The following NAALADL2 variants were observed in gnomAD, a reference collection of about 807,000 sequenced individuals.
NAALADL2 encodes the protein inactive N-acetylated-alpha-linked acidic dipeptidase-like protein 2.
A neutral mutation model predicts 87.2 loss-of-function variants in NAALADL2; 76 were observed. The ratio of observed to expected loss-of-function variants is 0.87; its 90% CI spans 0.72 to 1.05. The LOEUF (loss-of-function observed/expected upper bound fraction) is 1.05. Among genes scored for constraint, NAALADL2 ranks in the 50% least tolerant of loss-of-function variants. NAALADL2 has a pLI of 0.00. For synonymous variants in NAALADL2, 354 were observed against 331.0 expected, an observed-to-expected ratio of 1.07 and a Z score of -0.75; for missense variants, 1,089 against 945.8, an observed-to-expected ratio of 1.15 and a Z score of -1.99.
intron 5 of NAALADL2, among the ~76,000 whole-genome samples, chr3:175,417,439 A>T (rs1478914647): frequency 6.6e-6 from 1 of 152,048 alleles, no homozygotes; most frequent in East Asian, 1.9e-4. Context: ...ACTGGAATAA[A>T]CGATGCCTTC....
At chr3:175,138,695 C>G (rs1729509820) in intron 2 of NAALADL2, among the ~76,000 whole-genome samples, 1 of 148,812 alleles carries the variant, frequency 6.7e-6, no homozygotes. Context: ...CTCCTAGGCT[C>G]AACTGATCCT....
chr3:175,136,597 T>C (rs935474337), intron 2 of NAALADL2, among the ~76,000 whole-genome samples: 8 of 149,606 alleles, frequency 5.3e-5, no homozygotes, highest in African/African-American at 7.4e-5. Context: ...CAAATTTTTA[T>C]AAGCATGCTT....
intron 2 of NAALADL2, among the ~76,000 whole-genome samples, chr3:175,174,738 CCA>C (rs1433017312): frequency 1.3e-5 from 2 of 151,250 alleles, no homozygotes; most frequent in African/African-American, 4.9e-5. Flanking sequence ...ATGATATAAC[CCA>C]AGAGTTTATA....
At position 175,337,267 on chromosome 3, in the gene NAALADL2, T is replaced by G. The variant is rs188646534; in HGVS notation, c.1090+12942T>G. Among the ~76,000 whole-genome samples the G allele has an allele frequency of 2.1e-3, 320 of 151,514 alleles. 2 individuals are homozygous for G. Among genetic ancestry groups the G allele is most frequent in the Non-Finnish European group, 3.6e-3 (243 of 67,490 alleles). On this transcript the variant is annotated intron_variant, in intron 5 of 13. Transcript: ENST00000454872. ...AGGTCTAGGTGGTATGGTGGTCCTATTTAGAGTCAGACTAAGATTTCTTGA... is the reference window on the plus strand; with the variant it reads ...AGGTCTAGGTGGTATGGTGGTCCTAGTTAGAGTCAGACTAAGATTTCTTGA...
At chr3:174,918,329 C>G (rs986572436) in intron 1 of NAALADL2, among the ~76,000 whole-genome samples, 27 of 151,876 alleles carry the variant, frequency 1.8e-4, no homozygotes, top group African/African-American at 6.0e-4. Flanking sequence ...GATATTAGCC[C>G]CTCTGCTTAC....
At chr3:174,961,239 C>T (rs912610145) in intron 1 of NAALADL2, among the ~76,000 whole-genome samples, 17 of 151,082 alleles carry the variant, frequency 1.1e-4, no homozygotes, top group Admixed American at 1.1e-3. Context: ...CCACCTTGAC[C>T]TTCCAAAGCG....
chr3:175,684,629 A>G (rs1041785224), intron 11 of NAALADL2, among the ~76,000 whole-genome samples: 1 of 152,052 alleles, frequency 6.6e-6, no homozygotes, highest in Non-Finnish European at 1.5e-5. Context: ...CCCCATCTCT[A>G]CTAAACAAAC....
chr3:174,610,666 A>G (rs1386689409), intron 2 of NAALADL2, among the ~76,000 whole-genome samples: 2 of 152,098 alleles, frequency 1.3e-5, no homozygotes, highest in Admixed American at 6.6e-5. Context: ...TCAGGAAACA[A>G]CAGGTGCTGG....
intron 9 of NAALADL2, among the ~76,000 whole-genome samples, chr3:175,533,841 T>A (rs1366988361): frequency 6.6e-6 from 1 of 152,152 alleles, no homozygotes; most frequent in Non-Finnish European, 1.5e-5. Context: ...GATCTGCTTC[T>A]GAAGCCAGGA....
At chr3:175,470,979 T>C (rs558428172) in intron 8 of NAALADL2, among the ~76,000 whole-genome samples, 1 of 152,314 alleles carries the variant, frequency 6.6e-6, no homozygotes, top group African/African-American at 2.4e-5. Flanking sequence ...ATCTCCCCTC[T>C]TATTCAGTAA....
Position 175,234,085 on chromosome 3 carries a change from A to G in NAALADL2, c.700A>G (p.Ser234Gly). ...PGPSPSTVTL[S>G]SSGQCFHPNG... is the part of the protein sequence containing the mutation. ...CCCTTCTCCCAGCACTGTGACTCTG[A>G]GCAGCAGTGGTCAATGCTTTCATCC... The change falls in exon 3 of 14, where the codon AGC (serine) becomes GGC (glycine). Residue 234 changes from serine (S) to glycine (G), a missense_variant. Ser to Gly is a moderately conservative substitution (Grantham distance 56). Coordinates refer to ENST00000454872, the MANE Select transcript of NAALADL2 (RefSeq NM_207015.3). 6.2e-7 allele frequency: 1 copy of G among 1,613,910 alleles called. No individual in the cohort carries two copies.
At chr3:174,539,434 A>G (rs1323282949) in intron 1 of NAALADL2, among the ~76,000 whole-genome samples, 1 of 152,112 alleles carries the variant, frequency 6.6e-6, no homozygotes, top group Non-Finnish European at 1.5e-5. Context: ...TTAATAGTAT[A>G]TATCATTTTA....
chr3:174,459,494 T>C (rs1716061276), intron 1 of NAALADL2: 2 of 152,214 alleles, frequency 1.3e-5, no homozygotes, highest in South Asian at 4.1e-4. Flanking sequence ...GAGGTTTGCA[T>C]GTGAACATGC....
intron 1 of NAALADL2, among the ~76,000 whole-genome samples, chr3:174,895,836 A>C (rs1731458095): frequency 6.6e-6 from 1 of 152,172 alleles, no homozygotes; most frequent in Non-Finnish European, 1.5e-5. Flanking sequence ...CATTAGAAAG[A>C]TCATTCATCA....
At chr3:175,151,613 T>C (rs950503142) in intron 2 of NAALADL2, among the ~76,000 whole-genome samples, 3 of 152,036 alleles carry the variant, frequency 2.0e-5, no homozygotes, top group Non-Finnish European at 4.4e-5. Context: ...CTGAGCATCA[T>C]AGCAAAATGA....
At chr3:175,117,165 T>C (rs746475979) in intron 2 of NAALADL2, among the ~76,000 whole-genome samples, 23 of 151,944 alleles carry the variant, frequency 1.5e-4, no homozygotes, top group African/African-American at 5.5e-4. Flanking sequence ...AACCCTAGAA[T>C]AAAACCTAGG....
At chr3:174,755,119 A>G (rs927235325) in intron 3 of NAALADL2, among the ~76,000 whole-genome samples, 4 of 152,146 alleles carry the variant, frequency 2.6e-5, no homozygotes, top group Non-Finnish European at 5.9e-5. Context: ...TTCTCGTAAT[A>G]GTGAGTGAAT....
chr3:174,896,376 A>G (rs1404787115), intron 1 of NAALADL2, among the ~76,000 whole-genome samples: 2 of 152,156 alleles, frequency 1.3e-5, no homozygotes, highest in Non-Finnish European at 2.9e-5. Context: ...TTTGTTCACA[A>G]TGATGAACAA....
At chr3:175,099,173 G>T (rs1355124173) in intron 2 of NAALADL2, among the ~76,000 whole-genome samples, 1 of 151,714 alleles carries the variant, frequency 6.6e-6, no homozygotes, top group African/African-American at 2.4e-5. Flanking sequence ...TGTCTGCTTT[G>T]CAAATAGGCA....
Sources: allele counts gnomAD v4.1 joint callset (sites outside exome capture counted in the v4.1 genomes callset), GRCh38; gene constraint gnomAD v4.1.1; transcripts MANE v1.5; gene names NCBI Gene and HGNC (gene_info 2026-07-23, HGNC 2026-07-21).